The following CHRNA7 variants were observed in gnomAD, a reference collection of about 807,000 sequenced individuals.
CHRNA7 encodes cholinergic receptor nicotinic alpha 7 subunit.
In CHRNA7, 17 loss-of-function variants were observed where a neutral mutation model predicts 48.0. That is an observed-to-expected ratio of 0.35 (90% CI 0.24 to 0.53). The LOEUF is 0.53. CHRNA7 is among the 20% of genes least tolerant of loss of function. The pLI is 0.92. For synonymous variants in CHRNA7, 75 were observed against 242.3 expected, an observed-to-expected ratio of 0.31 and a Z score of 6.41; for missense variants, 155 against 577.7, an observed-to-expected ratio of 0.27 and a Z score of 7.50.
intron 2 of CHRNA7, among the ~76,000 whole-genome samples, chr15:32,096,388 CTT>C (rs1043387525): frequency 3.9e-5 from 6 of 152,030 alleles, no homozygotes; most frequent in African/African-American, 1.2e-4. Context: ...GGATATGAGT[CTT>C]TTGTCAGACC....
chr15:32,127,480 A>T (rs577961100), intron 4 of CHRNA7, among the ~76,000 whole-genome samples: 41 of 152,060 alleles, frequency 2.7e-4, no homozygotes, highest in African/African-American at 9.6e-4. Flanking sequence ...TATTTTTTTT[A>T]TTTTAGCCAC....
chr15:32,108,726 A>T (rs2050713529), intron 3 of CHRNA7, among the ~76,000 whole-genome samples: 1 of 152,174 alleles, frequency 6.6e-6, no homozygotes, highest in Non-Finnish European at 1.5e-5. Context: ...CAAGTCCAGC[A>T]GGATTTTGTA....
intron 2 of CHRNA7, among the ~76,000 whole-genome samples, chr15:32,058,422 C>G (rs1333629382): frequency 6.6e-6 from 1 of 152,158 alleles, no homozygotes; most frequent in Non-Finnish European, 1.5e-5. Flanking sequence ...TTTTCCCTTT[C>G]CGGGGGTGTT....
At chr15:32,143,827 G>T (rs567273353) in intron 4 of CHRNA7, among the ~76,000 whole-genome samples, 48 of 152,186 alleles carry the variant, frequency 3.2e-4, no homozygotes, top group Non-Finnish European at 6.2e-4. Context: ...CATGTGAGAT[G>T]GGTCTCCTGA....
At chr15:32,070,709 C>T (rs1362864960) in intron 2 of CHRNA7, among the ~76,000 whole-genome samples, 2 of 82,814 alleles carry the variant, frequency 2.4e-5, no homozygotes, top group Non-Finnish European at 4.2e-5. Context: ...TTTTTTGAGA[C>T]GGAGTCTTGC....
At chr15:32,147,012 A>G (rs2051502685) in intron 4 of CHRNA7, among the ~76,000 whole-genome samples, 1 of 152,254 alleles carries the variant, frequency 6.6e-6, no homozygotes, top group African/African-American at 2.4e-5. Flanking sequence ...GACATGTAAC[A>G]CAAGGAACAA....
intron 3 of CHRNA7, among the ~76,000 whole-genome samples, chr15:32,110,900 C>T (rs534143285): frequency 6.6e-6 from 1 of 152,276 alleles, no homozygotes; most frequent in East Asian, 1.9e-4. Flanking sequence ...AAAGCCTGAG[C>T]TTCAGAGCAT....
chr15:32,105,468 A>G (rs991229344), intron 3 of CHRNA7, among the ~76,000 whole-genome samples: 2 of 137,386 alleles, frequency 1.5e-5, no homozygotes, highest in Non-Finnish European at 3.2e-5. Flanking sequence ...GAGGAGGAAG[A>G]GGAGGAGAGG....
intron 2 of CHRNA7, among the ~76,000 whole-genome samples, chr15:32,072,051 T>C (rs2141219802): frequency 6.6e-6 from 1 of 152,286 alleles, no homozygotes; most frequent in African/African-American, 2.4e-5. Context: ...ACTGGTTAAA[T>C]GGTTGTGACC....
rs374911885 is a variant in CHRNA7 at position 32,121,779 on chromosome 15, A to G, written c.350+9880A>G. ...CATGGAAAGATATGTAAGTTAGGTC[A>G]TATGGCACAGGGCCCTTAGCGGGGA... On this transcript the variant is annotated intron_variant, in intron 4 of 9. Transcript: ENST00000306901. Among the ~76,000 whole-genome samples the G allele has an allele frequency of 2.0e-4, 31 of 152,220 alleles. No homozygotes were observed. In the East Asian group the frequency reaches 3.3e-3, roughly 16 times the overall value.
At chr15:32,147,901 T>TC (rs1291372578) in intron 4 of CHRNA7, among the ~76,000 whole-genome samples, 2 of 152,238 alleles carry the variant, frequency 1.3e-5, no homozygotes, top group Non-Finnish European at 2.9e-5. Flanking sequence ...GGGCATTGCT[T>TC]CCGTCAGTGG....
At chr15:32,100,685 T>G (rs2050555027) in intron 2 of CHRNA7, 1 of 154,462 alleles carries the variant, frequency 6.5e-6, no homozygotes, top group Non-Finnish European at 1.5e-5. Flanking sequence ...CTTTCTCACC[T>G]TTAGTTTATC....
chr15:32,076,745 A>G (rs907949487), intron 2 of CHRNA7, among the ~76,000 whole-genome samples: 5 of 152,146 alleles, frequency 3.3e-5, no homozygotes, highest in Admixed American at 1.3e-4. Context: ...AGAGTGGTAC[A>G]TTGTTACGAT....
intron 4 of CHRNA7, among the ~76,000 whole-genome samples, chr15:32,153,181 G>T (rs1257440126): frequency 6.6e-6 from 1 of 152,140 alleles, no homozygotes; most frequent in Non-Finnish European, 1.5e-5. Context: ...AGCACTTTGG[G>T]AGGCTGAGGC....
chr15:32,101,348 G>T lies in CHRNA7; in HGVS notation c.240+1G>T. ...AACCACCAACATTTGGCTGCAAATG[G>T]TAAGTTAAGAGAATGACAATCTCTC... On this transcript the variant is annotated splice_donor_variant, in intron 3 of 9. Transcript: ENST00000306901. LOFTEE classifies it high-confidence loss of function. 1 of 1,590,652 alleles carries T rather than the reference G, an allele frequency of 6.3e-7. No individual in the cohort carries two copies. The highest frequency in any genetic ancestry group is 8.5e-7 in the Non-Finnish European group (1 of 1,172,348).
chr15:32,122,682 A>T (rs1255487557), intron 4 of CHRNA7, among the ~76,000 whole-genome samples: 4 of 152,000 alleles, frequency 2.6e-5, no homozygotes, highest in Non-Finnish European at 5.9e-5. Flanking sequence ...TCTTTAAGGG[A>T]TAGAAAATAA....
chr15:32,111,711 G>A (rs539058099), intron 3 of CHRNA7, 79 bp from the exon 4 acceptor site: 5 of 783,072 alleles, frequency 6.4e-6, no homozygotes, highest in South Asian at 3.3e-5. Context: ...CTTTGGTTTT[G>A]CACTTACCTA....
At chr15:32,063,973 G>A (rs1215025830) in intron 2 of CHRNA7, among the ~76,000 whole-genome samples, 1 of 152,114 alleles carries the variant, frequency 6.6e-6, no homozygotes, top group East Asian at 1.9e-4. Flanking sequence ...TACAGTTTGG[G>A]AAAGGGAGCA....
At chr15:32,159,380 C>T (rs1454462875) in intron 7 of CHRNA7, 189 bp from the exon 8 acceptor site, 1 of 440,656 alleles carries the variant, frequency 2.3e-6, no homozygotes, top group African/African-American at 2.1e-5. Flanking sequence ...TCCTTTGGGA[C>T]TCTGGTAAGT....
Sources: gnomAD v4.1 joint callset for allele counts (sites outside exome capture counted in the v4.1 genomes callset) on GRCh38, gnomAD v4.1.1 for gene constraint, MANE v1.5 for transcripts, NCBI Gene and HGNC (gene_info 2026-07-23, HGNC 2026-07-21) for gene names.